MNAT1: variants seen among roughly 807,000 people sequenced by gnomAD.
MNAT1 encodes CDK-activating kinase assembly factor MAT1.
Under a neutral mutation model 42.0 loss-of-function variants are expected in MNAT1, and 43 were observed. The observed-to-expected ratio is 1.02, with a 90% CI of 0.80 to 1.32. MNAT1 has a LOEUF of 1.32. Ranked by LOEUF, MNAT1 falls within the 40% of genes most tolerant of loss-of-function variation. The probability of loss-of-function intolerance (pLI) is 0.00; values close to 1 mark genes in which losing one functional copy is unlikely to be tolerated. For synonymous variants in MNAT1, 118 were observed against 120.0 expected (o/e 0.98, Z 0.11); for missense variants, 306 against 350.4 (o/e 0.87, Z 1.01).
intron 7 of MNAT1, among the ~76,000 whole-genome samples, chr14:60,888,464 A>G (rs1315329580): frequency 6.6e-6 from 1 of 152,134 alleles, no homozygotes; most frequent in African/African-American, 2.4e-5. Flanking sequence ...AATAAGAGCT[A>G]TCTATGACAA....
chr14:60,918,735 AAT>A lies in MNAT1; in HGVS notation c.809+38921_809+38922del, dbSNP rs140364759. On this transcript the variant is annotated intron_variant, in intron 7 of 7. Coordinates refer to ENST00000261245, the MANE Select transcript of MNAT1 (RefSeq NM_002431.4). Reference sequence around the variant, plus strand: ...CTTGTTTAATGACTATCCAGATGAGAATATATATATATATATATATATTTTTG... The same window carrying A: ...CTTGTTTAATGACTATCCAGATGAGAATATATATATATATATATATTTTTG... Among the ~76,000 whole-genome samples the A allele has an allele frequency of 6.5e-4, 12 of 18,414 alleles. No individual in the cohort carries two copies. The South Asian group carries it at 9.4e-3, about 14-fold the overall frequency. The allele number at this position is 18,414 out of a possible 152,430, so 12.1% of individuals were successfully genotyped here.
intron 7 of MNAT1, chr14:60,919,936 C>A: frequency 6.3e-6 from 1 of 159,596 alleles, no homozygotes; most frequent in South Asian, 1.8e-4. Flanking sequence ...AGAACTTGTT[C>A]CTCTCTGTAT....
chr14:60,803,336 TAATC>T (rs1466229414), intron 3 of MNAT1, among the ~76,000 whole-genome samples: 1 of 152,228 alleles, frequency 6.6e-6, no homozygotes, highest in African/African-American at 2.4e-5. Flanking sequence ...TTATTTGTGT[TAATC>T]AGAAGTATAA....
chr14:60,939,249 T>G (rs955031800), intron 7 of MNAT1, among the ~76,000 whole-genome samples: 1 of 152,238 alleles, frequency 6.6e-6, no homozygotes, highest in Non-Finnish European at 1.5e-5. Flanking sequence ...CTGCTCTGAC[T>G]TAGTTATTTC....
chr14:60,890,881 C>A (rs2034829058), intron 7 of MNAT1, among the ~76,000 whole-genome samples: 1 of 152,216 alleles, frequency 6.6e-6, no homozygotes, highest in Non-Finnish European at 1.5e-5. Flanking sequence ...TGGCAACACC[C>A]TCACAGACAC....
intron 7 of MNAT1, among the ~76,000 whole-genome samples, chr14:60,908,336 T>G (rs1357047840): frequency 6.6e-6 from 1 of 152,226 alleles, no homozygotes; most frequent in Non-Finnish European, 1.5e-5. Context: ...TTATTTTTAT[T>G]ATACTTTAAG....
intron 7 of MNAT1, among the ~76,000 whole-genome samples, chr14:60,944,938 G>C (rs4151380): frequency 0.064 from 9,758 of 152,076 alleles, 1,045 homozygotes; most frequent in African/African-American, 0.22. Flanking sequence ...TTGCTCCAAG[G>C]AAATAAATAT....
chr14:60,848,242 T>C (rs1189747412), intron 6 of MNAT1, among the ~76,000 whole-genome samples: 1 of 152,220 alleles, frequency 6.6e-6, no homozygotes, highest in East Asian at 1.9e-4. Flanking sequence ...ACCTTCTGAC[T>C]TCTATGGTTT....
At chr14:60,912,170 C>T (rs895480672) in intron 7 of MNAT1, among the ~76,000 whole-genome samples, 3 of 152,042 alleles carry the variant, frequency 2.0e-5, no homozygotes, top group Admixed American at 6.5e-5. Flanking sequence ...TTTCCGTTTG[C>T]TTGGTAGATC....
At chr14:60,912,327 G>T (rs1335919308) in intron 7 of MNAT1, among the ~76,000 whole-genome samples, 1 of 151,918 alleles carries the variant, frequency 6.6e-6, no homozygotes, top group African/African-American at 2.4e-5. Context: ...TTACATTTAA[G>T]GTTAATATTG....
chr14:60,840,646 G>T (rs1022640387), intron 6 of MNAT1, among the ~76,000 whole-genome samples: 1 of 152,072 alleles, frequency 6.6e-6, no homozygotes, highest in South Asian at 2.1e-4. Context: ...TATGTTAAAG[G>T]ATTTCAAAAA....
intron 1 of MNAT1, among the ~76,000 whole-genome samples, chr14:60,742,935 T>C (rs927653619): frequency 3.3e-5 from 5 of 152,250 alleles, no homozygotes; most frequent in Admixed American, 3.3e-4. Context: ...TTGGCTGTTA[T>C]GAATAATGCT....
Position 60,968,574 on chromosome 14 carries a change from A to G in MNAT1, c.*225A>G, listed in dbSNP as rs768731626. 1,059 of 1,265,968 alleles carry G rather than the reference A, an allele frequency of 8.4e-4. 11 individuals are homozygous for G. Among genetic ancestry groups the G allele is most frequent in the Non-Finnish European group, 2.7e-4 (254 of 942,970 alleles). The allele number at this position is 1,265,968 out of a possible 1,614,324, so 78.4% of individuals were successfully genotyped here. Reference sequence around the variant, plus strand: ...TATTTTTCAGAGGATTTGACACGATAAGCCTCATCTGATGGAAGAGAGGAA... The same window carrying G: ...TATTTTTCAGAGGATTTGACACGATGAGCCTCATCTGATGGAAGAGAGGAA... On this transcript the variant is annotated 3_prime_UTR_variant, in exon 8 of 8. Coordinates refer to ENST00000261245, the MANE Select transcript of MNAT1 (RefSeq NM_002431.4).
chr14:60,893,182 C>T, intron 7 of MNAT1, among the ~76,000 whole-genome samples: 1 of 151,250 alleles, frequency 6.6e-6, no homozygotes, highest in East Asian at 1.9e-4. Flanking sequence ...TTCTCTTGTC[C>T]CATCTTCAAG....
intron 3 of MNAT1, among the ~76,000 whole-genome samples, chr14:60,804,743 A>G (rs898370272): frequency 6.6e-6 from 1 of 152,156 alleles, no homozygotes; most frequent in African/African-American, 2.4e-5. Flanking sequence ...ATGGGGCCTC[A>G]TGTTGACCAG....
chr14:60,922,506 A>G (rs2139555089), intron 7 of MNAT1, among the ~76,000 whole-genome samples: 1 of 152,172 alleles, frequency 6.6e-6, no homozygotes, highest in Non-Finnish European at 1.5e-5. Context: ...GTTGTAGTTA[A>G]ATCTTTTATT....
rs531388800 is a variant in MNAT1, at chr14:60,852,772, A to G, written c.688-26942A>G. Among the ~76,000 whole-genome samples, 36 of 152,314 alleles carry G rather than the reference A, an allele frequency of 2.4e-4. No individual in the cohort carries two copies. The South Asian group carries it at 6.8e-3, about 29-fold the overall frequency. On this transcript the variant is annotated intron_variant, in intron 6 of 7. Transcript: ENST00000261245. ...TTCAGTTTTCTGCATATGGCTAGCC[A>G]GTTTTCCCAACACCATTTATTAAAT...
In MNAT1 at chr14:60,812,242, C is replaced by A. The variant is rs1304318685; in HGVS notation, c.561+115C>A. 4 of 1,043,600 alleles carry A rather than the reference C, an allele frequency of 3.8e-6. No individual in the cohort carries two copies. In the African/African-American group the frequency reaches 4.9e-5, roughly 13 times the overall value. 64.6% of individuals were successfully genotyped at this position (1,043,600 alleles called of 1,614,324 possible). On this transcript the variant is annotated intron_variant, in intron 5 of 7. Coordinates refer to ENST00000261245, the MANE Select transcript of MNAT1 (RefSeq NM_002431.4). Reference sequence around the variant, plus strand: ...TCCACAGTGTTTGTAATCTGGTTCACCTTTAGTTTTGTTGGTTATGTATTG... The same window carrying A: ...TCCACAGTGTTTGTAATCTGGTTCAACTTTAGTTTTGTTGGTTATGTATTG...
chr14:60,772,977 G>A (rs1343428563), intron 1 of MNAT1, among the ~76,000 whole-genome samples: 2 of 150,338 alleles, frequency 1.3e-5, no homozygotes, highest in Non-Finnish European at 3.0e-5. Flanking sequence ...CTCTGTCGCC[G>A]GGTTGGAGTG....
Sources: gnomAD v4.1 joint callset for allele counts (sites outside exome capture counted in the v4.1 genomes callset) on GRCh38, gnomAD v4.1.1 for gene constraint, MANE v1.5 for transcripts, NCBI Gene and HGNC (gene_info 2026-07-23, HGNC 2026-07-21) for gene names.